HTT-AS: variants seen among roughly 807,000 people sequenced by gnomAD.
The protein encoded by HTT-AS is HTT antisense RNA, also known as HTT antisense RNA (head to head).
chr4:3,071,991 C>G (rs576432764), intron 1 of HTT-AS, among the ~76,000 whole-genome samples: 6 of 152,226 alleles, frequency 3.9e-5, no homozygotes, highest in Admixed American at 6.5e-5. Context: ...ATACAGTCAT[C>G]TGCTGCTGGA....
chr4:3,053,775 T>TTTA (rs1711755612), intron 2 of HTT-AS, among the ~76,000 whole-genome samples: 1 of 150,284 alleles, frequency 6.7e-6, no homozygotes, highest in African/African-American at 2.5e-5. Context: ...TTTTTTTTTT[T>TTTA]GAGATGGAGT....
downstream of HTT-AS, among the ~76,000 whole-genome samples, chr4:3,046,377 C>T (rs1038906121): frequency 2.6e-5 from 4 of 152,188 alleles, no homozygotes; most frequent in South Asian, 2.1e-4. Context: ...GAGTGAAGTA[C>T]GGCTGCTGGG....
chr4:3,065,616 G>T lies in HTT-AS; in HGVS notation n.114-1916C>A, dbSNP rs1292873130. Among the ~76,000 whole-genome samples, 4 of 152,292 alleles carry T rather than the reference G, an allele frequency of 2.6e-5. No homozygotes were observed. In the East Asian group the frequency reaches 7.7e-4, roughly 29 times the overall value. On this transcript the variant is annotated intron_variant and non_coding_transcript_variant, in intron 1 of 2. Coordinates refer to ENST00000664062, the Ensembl canonical transcript of HTT-AS. Reference sequence around the variant, plus strand: ...TAAGTTGAAAATATAAGTAAAAAATGCCCTTAATACACCTAACCTACCAAA... The same window carrying T: ...TAAGTTGAAAATATAAGTAAAAAATTCCCTTAATACACCTAACCTACCAAA...
chr4:3,068,710 A>G, intron 1 of HTT-AS, among the ~76,000 whole-genome samples: 1 of 151,186 alleles, frequency 6.6e-6, no homozygotes, highest in African/African-American at 2.4e-5. Flanking sequence ...GCTACAGTGA[A>G]ATGGCACGGT....
intron 2 of HTT-AS, among the ~76,000 whole-genome samples, chr4:3,054,481 G>C (rs1711770916): frequency 6.6e-6 from 1 of 151,916 alleles, no homozygotes; most frequent in Non-Finnish European, 1.5e-5. Context: ...ATGTGTTTTT[G>C]GTAAAAGATT....
At chr4:3,056,864 G>A (rs1387434805) in intron 2 of HTT-AS, among the ~76,000 whole-genome samples, 4 of 152,070 alleles carry the variant, frequency 2.6e-5, no homozygotes, top group Admixed American at 6.6e-5. Context: ...CAATCAGTTT[G>A]CACAGTTAAC....
At chr4:3,071,847 C>G (rs1450274424) in intron 1 of HTT-AS, among the ~76,000 whole-genome samples, 2 of 152,186 alleles carry the variant, frequency 1.3e-5, no homozygotes, top group African/African-American at 2.4e-5. Flanking sequence ...AAGTCAAGGA[C>G]AGGGCTCAGG....
At chr4:3,059,787 G>A (rs940828729) in intron 2 of HTT-AS, among the ~76,000 whole-genome samples, 1 of 152,048 alleles carries the variant, frequency 6.6e-6, no homozygotes, top group East Asian at 1.9e-4. Context: ...TGGTCAGGCT[G>A]GTCTCAAACT....
intron 2 of HTT-AS, among the ~76,000 whole-genome samples, chr4:3,055,976 T>A (rs1711796679): frequency 6.6e-6 from 1 of 152,166 alleles, no homozygotes; most frequent in Admixed American, 6.5e-5. Context: ...CAAACCCAGT[T>A]TGGATCAGAA....
chr4:3,053,884 C>T (rs984013874), intron 2 of HTT-AS, among the ~76,000 whole-genome samples: 1 of 151,646 alleles, frequency 6.6e-6, no homozygotes, highest in Non-Finnish European at 1.5e-5. Context: ...CTCAGCCTCC[C>T]GAGTAGCTTG....
chr4:3,068,166 C>T (rs931082276), intron 1 of HTT-AS, among the ~76,000 whole-genome samples: 14 of 151,636 alleles, frequency 9.2e-5, no homozygotes, highest in African/African-American at 3.2e-4. Flanking sequence ...ATTAGTCGGG[C>T]ATGGTGGTGG....
At chr4:3,046,987 G>T (rs1163781067), downstream of HTT-AS, among the ~76,000 whole-genome samples, 1 of 152,130 alleles carries the variant, frequency 6.6e-6, no homozygotes, top group Non-Finnish European at 1.5e-5. Flanking sequence ...AGCTGTTCCA[G>T]TATAATAAAA....
At chr4:3,047,446 C>A (rs1711613616), downstream of HTT-AS, among the ~76,000 whole-genome samples, 2 of 152,180 alleles carry the variant, frequency 1.3e-5, no homozygotes, top group Admixed American at 1.3e-4. Context: ...TTATAATAAT[C>A]TTTGTTCTAC....
chr4:3,067,793 C>T (rs1488156554), intron 1 of HTT-AS, among the ~76,000 whole-genome samples: 2 of 152,206 alleles, frequency 1.3e-5, no homozygotes, highest in Non-Finnish European at 2.9e-5. Context: ...AGCTTTCCTA[C>T]TGAGCCAGCC....
At chr4:3,051,172 T>A (rs1711697503) in intron 2 of HTT-AS, among the ~76,000 whole-genome samples, 1 of 151,722 alleles carries the variant, frequency 6.6e-6, no homozygotes, top group African/African-American at 2.4e-5. Flanking sequence ...TTCAAGTAAT[T>A]CTCCTGCCTC....
intron 1 of HTT-AS, among the ~76,000 whole-genome samples, chr4:3,066,625 A>G (rs1403820647): frequency 1.3e-5 from 2 of 152,170 alleles, no homozygotes; most frequent in East Asian, 3.8e-4. Flanking sequence ...TGAAATATGG[A>G]TGGTCCTCTG....
At chr4:3,056,713 C>T (rs984155261) in intron 2 of HTT-AS, among the ~76,000 whole-genome samples, 8 of 152,182 alleles carry the variant, frequency 5.3e-5, no homozygotes, top group African/African-American at 1.9e-4. Context: ...AACAATTTCA[C>T]CAGAAACTAG....
intron 1 of HTT-AS, chr4:3,074,355 AC>A (rs1156486804): frequency 2.0e-5 from 2 of 97,894 alleles, no homozygotes; most frequent in African/African-American, 8.6e-5. Flanking sequence ...CGCCTCCCTT[AC>A]CATGCAGTCC....
At chr4:3,069,212 C>T (rs138305988) in intron 1 of HTT-AS, among the ~76,000 whole-genome samples, 237 of 150,346 alleles carry the variant, frequency 1.6e-3, no homozygotes, top group Non-Finnish European at 2.8e-3. Context: ...GTGGTGTGAT[C>T]TTGGCTCACT....
Sources: gnomAD v4.1 joint callset for allele counts (sites outside exome capture counted in the v4.1 genomes callset) on GRCh38, gnomAD v4.1.1 for gene constraint, MANE v1.5 for transcripts, NCBI Gene and HGNC (gene_info 2026-07-23, HGNC 2026-07-21) for gene names.